SLC25A12: variants seen among roughly 807,000 people sequenced by gnomAD.
The protein encoded by SLC25A12 is solute carrier family 25 member 12, also known as electrogenic aspartate/glutamate antiporter SLC25A12, mitochondrial.
SLC25A12 carries 32 observed loss-of-function variants against 83.3 expected under a neutral mutation model. That is an observed-to-expected ratio of 0.38 (90% CI 0.29 to 0.52). The LOEUF (loss-of-function observed/expected upper bound fraction) is 0.52, where lower values mean the gene tolerates loss of function less well. Among genes scored for constraint, SLC25A12 ranks in the 20% least tolerant of loss-of-function variants. The pLI, the probability that SLC25A12 is intolerant of heterozygous loss-of-function variation, is 0.84. For synonymous variants in SLC25A12, 267 were observed against 291.1 expected, an observed-to-expected ratio of 0.92 and a Z score of 0.84; for missense variants, 611 against 835.6, an observed-to-expected ratio of 0.73 and a Z score of 3.31.
At chr2:171,823,453 G>A (rs1293403539) in intron 9 of SLC25A12, among the ~76,000 whole-genome samples, 1 of 152,080 alleles carries the variant, frequency 6.6e-6, no homozygotes, top group Non-Finnish European at 1.5e-5. Flanking sequence ...TTTCACAATG[G>A]CCATTAGTGG....
intron 8 of SLC25A12, among the ~76,000 whole-genome samples, chr2:171,832,452 A>C (rs574401615): frequency 1.3e-5 from 2 of 152,324 alleles, no homozygotes; most frequent in South Asian, 2.1e-4. Context: ...GTCTTAAAAA[A>C]CAAAGATCCT....
At chr2:171,884,789 A>T (rs1037574493) in intron 2 of SLC25A12, among the ~76,000 whole-genome samples, 2 of 152,104 alleles carry the variant, frequency 1.3e-5, no homozygotes, top group South Asian at 2.1e-4. Context: ...CCAAAAAAAA[A>T]AAAGAATGTG....
chr2:171,866,882 G>A (rs1218914832), intron 3 of SLC25A12, among the ~76,000 whole-genome samples: 7 of 150,810 alleles, frequency 4.6e-5, no homozygotes, highest in Admixed American at 4.6e-4. Context: ...CAGACGGGGC[G>A]GCTGCCGGGC....
intron 13 of SLC25A12, among the ~76,000 whole-genome samples, chr2:171,803,723 C>T (rs769025055): frequency 6.6e-6 from 1 of 152,200 alleles, no homozygotes; most frequent in Admixed American, 6.5e-5. Context: ...GAGTTCGAGG[C>T]TGTAGCATGT....
intron 2 of SLC25A12, among the ~76,000 whole-genome samples, chr2:171,876,553 G>GGGT (rs1558941990): frequency 7.6e-6 from 1 of 131,914 alleles, no homozygotes; most frequent in African/African-American, 2.7e-5. Context: ...TGGGGGGGGG[G>GGGT]GGACTCAAGT....
chr2:171,794,589 A>AG (rs1683558561), intron 13 of SLC25A12, among the ~76,000 whole-genome samples: 1 of 131,264 alleles, frequency 7.6e-6, no homozygotes, highest in Admixed American at 7.4e-5. Flanking sequence ...TAACTAGTAG[A>AG]GAAAAAAAAA....
rs1220475272 is a variant in SLC25A12 at position 171,834,600 on chromosome 2, A to G, written c.751+127T>C. ...TGGATTTTTGGAGCCCAAGTAAAGC[A>G]TACATACACATGGTAACATACTTTC... On this transcript the variant is annotated intron_variant, in intron 7 of 17. Transcript: ENST00000422440. 9 of 1,075,974 alleles carry G rather than the reference A, an allele frequency of 8.4e-6. No individual in the cohort carries two copies. The African/African-American group carries it at 1.1e-4, about 13-fold the overall frequency. The allele number at this position is 1,075,974 out of a possible 1,614,324, so 66.7% of individuals were successfully genotyped here.
chr2:171,887,531 C>T (rs943986037), intron 2 of SLC25A12, among the ~76,000 whole-genome samples: 2 of 152,158 alleles, frequency 1.3e-5, no homozygotes, highest in African/African-American at 2.4e-5. Context: ...TACTTTGCCA[C>T]AAGGGACAGA....
intron 9 of SLC25A12, among the ~76,000 whole-genome samples, chr2:171,824,617 C>T (rs1374497555): frequency 6.6e-6 from 1 of 151,954 alleles, no homozygotes; most frequent in East Asian, 1.9e-4. Flanking sequence ...GTATAGGCTA[C>T]AAAAAATAAA....
At chr2:171,815,926 T>G (rs900482792) in intron 9 of SLC25A12, among the ~76,000 whole-genome samples, 1 of 151,980 alleles carries the variant, frequency 6.6e-6, no homozygotes, top group African/African-American at 2.4e-5. Context: ...TAATTATATA[T>G]ACATAAACTT....
chr2:171,866,049 C>G (rs1385320780), intron 3 of SLC25A12, among the ~76,000 whole-genome samples: 4 of 134,262 alleles, frequency 3.0e-5, no homozygotes, highest in Admixed American at 1.6e-4. Flanking sequence ...TGACTCTTAA[C>G]GAGCATGCTG....
intron 5 of SLC25A12, among the ~76,000 whole-genome samples, chr2:171,840,467 T>G (rs1361940163): frequency 6.6e-6 from 1 of 151,536 alleles, no homozygotes; most frequent in East Asian, 1.9e-4. Flanking sequence ...GCAGACACTA[T>G]GCAAGAAGAA....
chr2:171,818,380 C>A (rs1318922606), intron 9 of SLC25A12, among the ~76,000 whole-genome samples: 1 of 151,894 alleles, frequency 6.6e-6, no homozygotes, highest in Non-Finnish European at 1.5e-5. Context: ...TGATTTTTAA[C>A]CTACTCCCTA....
chr2:171,798,215 T>C (rs1454121760), intron 13 of SLC25A12, among the ~76,000 whole-genome samples: 1 of 152,214 alleles, frequency 6.6e-6, no homozygotes, highest in Non-Finnish European at 1.5e-5. Context: ...CAACTAAAGC[T>C]GACAGCAAAA....
Position 171,789,398 on chromosome 2 carries a change from T to G in SLC25A12, c.1586-1451A>C, listed in dbSNP as rs188052364. ...AGCCCGCCACCACGCCCGGCTAATT[T>G]TTTGTATTTTTAGTAGAGACGGGGT... On this transcript the variant is annotated intron_variant, in intron 15 of 17. Transcript: ENST00000422440. Among the ~76,000 whole-genome samples, 99 of 152,174 alleles carry G rather than the reference T, an allele frequency of 6.5e-4. 1 individual carries two copies. In the East Asian group the frequency reaches 0.014, roughly 21 times the overall value.
At chr2:171,803,190 A>G (rs977481232) in intron 13 of SLC25A12, among the ~76,000 whole-genome samples, 2 of 152,080 alleles carry the variant, frequency 1.3e-5, no homozygotes, top group African/African-American at 4.8e-5. Flanking sequence ...AGCTAAAACT[A>G]TAAAACTCTG....
rs1043127185 is a variant in SLC25A12 at position 171,840,764 on chromosome 2, C to T, written c.466-3497G>A. Among the ~76,000 whole-genome samples, 25 of 152,116 alleles carry T rather than the reference C, an allele frequency of 1.6e-4. No homozygotes were observed. In the East Asian group the frequency reaches 3.5e-3, roughly 21 times the overall value. ...AATAAAATTTTCAAGAATTGAAGGA[C>T]GTAAGTTTCCAGATTAGAAAAGCCC... On this transcript the variant is annotated intron_variant, in intron 5 of 17. Transcript: ENST00000422440.
intron 3 of SLC25A12, among the ~76,000 whole-genome samples, chr2:171,863,321 C>T (rs887523431): frequency 2.0e-5 from 3 of 152,028 alleles, no homozygotes; most frequent in Non-Finnish European, 2.9e-5. Context: ...GTCAGGAGTT[C>T]GAGACAACAA....
chr2:171,834,072 A>G lies in SLC25A12; in HGVS notation c.752-16T>C. The G allele has an allele frequency of 6.8e-7, 1 of 1,463,014 alleles. No individual in the cohort carries two copies. The allele number at this position is 1,463,014 out of a possible 1,614,324, so 90.6% of individuals were successfully genotyped here. On this transcript the variant is annotated splice_polypyrimidine_tract_variant and intron_variant, in intron 7 of 17. Transcript: ENST00000422440. ...GCAAATTCCTCTGGAACAGAGAAAA[A>G]AAAAGTTAAAATCTTGAATGATTCT... is the stretch of plus-strand genomic sequence containing the variant.
Sources: gnomAD v4.1 joint callset for allele counts (sites outside exome capture counted in the v4.1 genomes callset) on GRCh38, gnomAD v4.1.1 for gene constraint, MANE v1.5 for transcripts, NCBI Gene and HGNC (gene_info 2026-07-23, HGNC 2026-07-21) for gene names.